The following KLHL14 variants were observed in gnomAD, a reference collection of about 807,000 sequenced individuals.
KLHL14 encodes kelch-like protein 14.
Under a neutral mutation model 64.3 loss-of-function variants are expected in KLHL14, and 22 were observed. That is an observed-to-expected ratio of 0.34 (90% confidence interval 0.24 to 0.49). KLHL14 has a LOEUF of 0.49. Ranked by LOEUF, KLHL14 falls within the 20% of genes least tolerant of loss-of-function variation. The probability of loss-of-function intolerance (pLI) is 0.99; values close to 1 mark genes in which losing one functional copy is unlikely to be tolerated. For missense variants in KLHL14, 661 were observed against 789.0 expected (o/e 0.84, Z 1.94); for synonymous variants, 322 against 333.4 (o/e 0.97, Z 0.37).
Position 32,769,841 on chromosome 18 carries a change from C to T in KLHL14, c.751G>A (p.Glu251Lys). 1 of 1,613,790 alleles carries T rather than the reference C, an allele frequency of 6.2e-7. No homozygotes were observed. The highest frequency in any genetic ancestry group is 8.5e-7 in the Non-Finnish European group (1 of 1,179,990). ...MSVLWLEHDR[E>K]TRMQYAPDLM... is the part of the protein sequence containing the mutation. ...TCAGGCGCATACTGCATGCGGGTCT[C>T]GCGGTCGTGCTCCAGCCACAGCACG... Residue 251 changes from glutamate to lysine, a missense_variant, in exon 2 of 9, where the codon GAG becomes AAG. This residue lies in a region of KLHL14 where 331 missense variants were observed against 339.0 expected (regional missense o/e 0.98). Transcript: ENST00000359358.
At chr18:32,699,523 G>A (rs981197800) in intron 3 of KLHL14, among the ~76,000 whole-genome samples, 1 of 151,978 alleles carries the variant, frequency 6.6e-6, no homozygotes, top group Non-Finnish European at 1.5e-5. Flanking sequence ...CCTTGAGAGG[G>A]TAAGTCACTT....
intron 2 of KLHL14, among the ~76,000 whole-genome samples, chr18:32,756,153 G>C (rs994863663): frequency 6.6e-6 from 1 of 152,174 alleles, no homozygotes; most frequent in East Asian, 1.9e-4. Flanking sequence ...TCATAAGGGT[G>C]AGGCCCTGAT....
At chr18:32,757,533 A>G (rs2050288270) in intron 2 of KLHL14, among the ~76,000 whole-genome samples, 1 of 152,134 alleles carries the variant, frequency 6.6e-6, no homozygotes, top group East Asian at 1.9e-4. Context: ...GACATGCAGT[A>G]CTTCTTCTTC....
At chr18:32,746,396 C>T (rs1037150684) in intron 2 of KLHL14, among the ~76,000 whole-genome samples, 1 of 152,166 alleles carries the variant, frequency 6.6e-6, no homozygotes, top group African/African-American at 2.4e-5. Flanking sequence ...CGCCTGTATG[C>T]GTGAGTGCTG....
chr18:32,745,046 T>C (rs2144533660), intron 2 of KLHL14: 1 of 152,356 alleles, frequency 6.6e-6, no homozygotes, highest in African/African-American at 2.4e-5. Context: ...AAGAATTATG[T>C]GGAGGAAAAG....
Position 32,720,199 on chromosome 18 carries a change from A to G in KLHL14, c.1069+21729T>C, listed in dbSNP as rs1598562703. ...GAGCAGAAAGTAAATCTGAGAAGGC[A>G]GGTTTTAGGAGCCCTGCTAAAGAGT... On this transcript the variant is annotated intron_variant, in intron 3 of 8. Coordinates refer to ENST00000359358, the MANE Select transcript of KLHL14 (RefSeq NM_020805.3). 2.0e-5 allele frequency among the ~76,000 whole-genome samples: 3 copies of G among 152,328 alleles called. No individual in the cohort carries two copies. The South Asian group carries it at 6.2e-4, about 32-fold the overall frequency.
chr18:32,758,838 C>T (rs923483989), intron 2 of KLHL14, among the ~76,000 whole-genome samples: 4 of 151,998 alleles, frequency 2.6e-5, no homozygotes, highest in Non-Finnish European at 5.9e-5. Context: ...TCAAAAAAAC[C>T]CACATATTGC....
chr18:32,772,023 C>A, intron 1 of KLHL14: 1 of 237,812 alleles, frequency 4.2e-6, no homozygotes, highest in South Asian at 5.2e-5. Context: ...ATCGATACGC[C>A]AGGTCCTTAA....
At chr18:32,712,198 T>G (rs944440169) in intron 3 of KLHL14, among the ~76,000 whole-genome samples, 1 of 152,138 alleles carries the variant, frequency 6.6e-6, no homozygotes, top group African/African-American at 2.4e-5. Flanking sequence ...TTTACTATCT[T>G]GCCCTTACAG....
chr18:32,697,415 T>C (rs138084948), intron 3 of KLHL14, among the ~76,000 whole-genome samples: 9 of 152,314 alleles, frequency 5.9e-5, no homozygotes, highest in Middle Eastern at 3.4e-3. Flanking sequence ...CAGCATTAAT[T>C]GTCAGCTGTA....
intron 3 of KLHL14, among the ~76,000 whole-genome samples, chr18:32,712,373 C>T (rs1311462138): frequency 1.3e-5 from 2 of 152,196 alleles, no homozygotes; most frequent in Non-Finnish European, 2.9e-5. Context: ...TTCCCTGCCT[C>T]ATACCTACCA....
intron 4 of KLHL14, 63 bp from the exon 5 acceptor site, chr18:32,687,296 G>T: frequency 7.8e-7 from 1 of 1,287,424 alleles, no homozygotes; most frequent in Non-Finnish European, 1.1e-6. Context: ...ACATGTAGTA[G>T]TGTTTTATCA....
intron 3 of KLHL14, among the ~76,000 whole-genome samples, chr18:32,733,382 A>AAAG (rs1199524517): frequency 2.0e-4 from 29 of 142,226 alleles, no homozygotes; most frequent in African/African-American, 7.5e-4. Context: ...AGAGAAAGAG[A>AAAG]GAGAAAGGAG....
intron 2 of KLHL14, chr18:32,745,566 GA>G (rs1229008421): frequency 8.5e-5 from 13 of 152,258 alleles, no homozygotes; most frequent in African/African-American, 3.1e-4. Context: ...TCCGAATAAA[GA>G]AACCTAATAG....
intron 2 of KLHL14, among the ~76,000 whole-genome samples, chr18:32,756,937 C>T (rs750350446): frequency 5.3e-5 from 8 of 152,162 alleles, no homozygotes; most frequent in Non-Finnish European, 7.4e-5. Flanking sequence ...CATTCTACAA[C>T]CTGTGAAATT....
At chr18:32,718,338 C>T (rs970675072) in intron 3 of KLHL14, among the ~76,000 whole-genome samples, 2 of 152,148 alleles carry the variant, frequency 1.3e-5, no homozygotes, top group Non-Finnish European at 2.9e-5. Context: ...TCATATTCTG[C>T]CCTGTTTACA....
At chr18:32,754,245 A>G (rs2050270779) in intron 2 of KLHL14, among the ~76,000 whole-genome samples, 1 of 152,142 alleles carries the variant, frequency 6.6e-6, no homozygotes, top group African/African-American at 2.4e-5. Flanking sequence ...AACTCCTAAT[A>G]AAGCCCAATT....
At chr18:32,748,777 A>C (rs1255483707) in intron 2 of KLHL14, among the ~76,000 whole-genome samples, 2 of 151,988 alleles carry the variant, frequency 1.3e-5, no homozygotes, top group Non-Finnish European at 2.9e-5. Flanking sequence ...GGCGTGAGCC[A>C]CTGGGCCTGG....
intron 5 of KLHL14, among the ~76,000 whole-genome samples, chr18:32,684,719 G>T (rs1046775538): frequency 1.3e-5 from 2 of 151,978 alleles, no homozygotes. Flanking sequence ...TTTCATTCAT[G>T]ATCTACACAA....
Sources: allele counts gnomAD v4.1 joint callset (sites outside exome capture counted in the v4.1 genomes callset), GRCh38; gene constraint gnomAD v4.1.1; regional missense constraint gnomAD v4.1.1; transcripts MANE v1.5; gene names NCBI Gene and HGNC (gene_info 2026-07-23, HGNC 2026-07-21).